The following SEMA3D variants were observed in gnomAD, a reference collection of about 807,000 sequenced individuals.
SEMA3D encodes semaphorin-3D.
A neutral mutation model predicts 100.1 loss-of-function variants in SEMA3D; 84 were observed. The observed-to-expected ratio is 0.84, with a 90% CI of 0.70 to 1.01. The LOEUF (loss-of-function observed/expected upper bound fraction) is 1.01, where lower values mean the gene tolerates loss of function less well. Ranked by LOEUF, SEMA3D falls within the 50% of genes least tolerant of loss-of-function variation. The pLI is 0.00. For synonymous variants in SEMA3D, 312 were observed against 320.7 expected (o/e 0.97, Z 0.29); for missense variants, 875 against 934.1 (o/e 0.94, Z 0.82).
At chr7:85,066,946 A>AGAGAGC (rs1583889292) in intron 7 of SEMA3D, among the ~76,000 whole-genome samples, 1 of 149,588 alleles carries the variant, frequency 6.7e-6, no homozygotes. Context: ...AGAGAGAGAG[A>AGAGAGC]ACTCCAGCTA....
At chr7:85,185,804 A>G (rs1252109970) in intron 1 of SEMA3D, among the ~76,000 whole-genome samples, 1 of 152,202 alleles carries the variant, frequency 6.6e-6, no homozygotes, top group East Asian at 1.9e-4. Flanking sequence ...AGGGTAGCCC[A>G]TTAACGCATT....
At chr7:85,015,490 A>G (rs1004214317) in intron 15 of SEMA3D, among the ~76,000 whole-genome samples, 1 of 151,852 alleles carries the variant, frequency 6.6e-6, no homozygotes, top group African/African-American at 2.4e-5. Flanking sequence ...CTAGACAGGA[A>G]TTAAGATGTC....
chr7:85,132,293 A>G (rs540906497), intron 2 of SEMA3D, among the ~76,000 whole-genome samples: 1 of 152,066 alleles, frequency 6.6e-6, no homozygotes, highest in Admixed American at 6.6e-5. Flanking sequence ...CTCGTAAAAC[A>G]GTGAAGCAAT....
intron 2 of SEMA3D, chr7:85,142,828 A>C (rs1386930718): frequency 1.3e-5 from 13 of 985,070 alleles, no homozygotes; most frequent in Non-Finnish European, 1.6e-5. Context: ...ATGGTTTCTC[A>C]AAATAAATAC....
Position 85,068,309 on chromosome 7 carries a change from G to C in SEMA3D, c.496-25C>G, listed in dbSNP as rs779399032. 1.4e-5 allele frequency: 17 copies of C among 1,246,882 alleles called. No individual in the cohort carries two copies. The Admixed American group carries it at 2.9e-4, about 22-fold the overall frequency. The allele number at this position is 1,246,882 out of a possible 1,614,324, so 77.2% of individuals were successfully genotyped here. A position where few individuals can be genotyped will look rare whatever the true frequency, so the allele number is the denominator to read the frequency against. Reference sequence around the variant, plus strand: ...CCTGTTATGAGAAATATTAACACTAGTGAACTTTTTAAAAATATTACAAAC... The same window carrying C: ...CCTGTTATGAGAAATATTAACACTACTGAACTTTTTAAAAATATTACAAAC... On this transcript the variant is annotated intron_variant, in intron 6 of 18. Coordinates refer to ENST00000284136, the MANE Select transcript of SEMA3D (RefSeq NM_001384900.1).
At chr7:85,103,987 AAG>A (rs1442894837) in intron 3 of SEMA3D, among the ~76,000 whole-genome samples, 2 of 151,996 alleles carry the variant, frequency 1.3e-5, no homozygotes, top group South Asian at 2.1e-4. Flanking sequence ...GCATTTTTTG[AAG>A]AGTTTCTTCA....
chr7:85,084,495 T>G (rs1788161394), intron 4 of SEMA3D, among the ~76,000 whole-genome samples: 1 of 152,190 alleles, frequency 6.6e-6, no homozygotes, highest in Non-Finnish European at 1.5e-5. Context: ...TACTTTTCCA[T>G]AACCTGTCAA....
chr7:85,087,501 AACTT>A (rs1321209112), intron 4 of SEMA3D, among the ~76,000 whole-genome samples: 2 of 152,234 alleles, frequency 1.3e-5, no homozygotes, highest in African/African-American at 4.8e-5. Context: ...AATTCCTCTC[AACTT>A]ACTTATTCAG....
intron 1 of SEMA3D, chr7:85,167,411 A>T (rs570759157): frequency 1.0e-6 from 1 of 982,532 alleles, no homozygotes; most frequent in South Asian, 4.7e-5. Context: ...TTGTGTTATA[A>T]ATTTTCACCT....
intron 9 of SEMA3D, among the ~76,000 whole-genome samples, chr7:85,052,981 C>A (rs1287374249): frequency 6.6e-6 from 1 of 151,826 alleles, no homozygotes; most frequent in Non-Finnish European, 1.5e-5. Context: ...GTATCTTTGA[C>A]CGGTCAATAA....
intron 1 of SEMA3D, among the ~76,000 whole-genome samples, chr7:85,176,793 T>TATAGAGAG (rs368105010): frequency 6.7e-6 from 1 of 149,974 alleles, no homozygotes; most frequent in East Asian, 2.0e-4. Flanking sequence ...TATATATATA[T>TATAGAGAG]AGAGAGAGAG....
the SEMA3D span, among the ~76,000 whole-genome samples, chr7:85,228,661 T>A: frequency 6.6e-6 from 1 of 152,076 alleles, no homozygotes; most frequent in Non-Finnish European, 1.5e-5. Flanking sequence ...GAGTTGGTAA[T>A]CCATAATTTT....
intron 1 of SEMA3D, among the ~76,000 whole-genome samples, chr7:85,178,972 T>A (rs1317226026): frequency 6.6e-6 from 1 of 152,154 alleles, no homozygotes; most frequent in East Asian, 1.9e-4. Flanking sequence ...GCAACCTAAG[T>A]CTTGGCAGCT....
At chr7:85,086,614 T>C (rs1342050126) in intron 4 of SEMA3D, among the ~76,000 whole-genome samples, 7 of 148,144 alleles carry the variant, frequency 4.7e-5, no homozygotes, top group Non-Finnish European at 5.9e-5. Flanking sequence ...TCTAGTCTCT[T>C]TCTCTCTCTC....
At chr7:85,203,830 A>ACAAAAT in the SEMA3D span, among the ~76,000 whole-genome samples, 1 of 152,016 alleles carries the variant, frequency 6.6e-6, no homozygotes, top group African/African-American at 2.4e-5. Flanking sequence ...AAAAACAAAA[A>ACAAAAT]CTTTGAACCT....
chr7:85,198,866 T>C, the SEMA3D span, among the ~76,000 whole-genome samples: 1 of 151,372 alleles, frequency 6.6e-6, no homozygotes, highest in Non-Finnish European at 1.5e-5. Flanking sequence ...TATTTGTTCT[T>C]TAACTTTTTT....
At chr7:85,038,162 C>T (rs905180617) in intron 11 of SEMA3D, among the ~76,000 whole-genome samples, 14 of 151,896 alleles carry the variant, frequency 9.2e-5, no homozygotes, top group African/African-American at 3.1e-4. Context: ...CTAACCTGCA[C>T]GTTGTGCACA....
In SEMA3D at chr7:84,999,671, C is replaced by T; in HGVS notation, c.2103G>A (p.Lys701=). 2 of 1,614,042 alleles carry T rather than the reference C, an allele frequency of 1.2e-6. No homozygotes were observed. The highest frequency in any genetic ancestry group is 1.7e-6 in the Non-Finnish European group (2 of 1,179,972). The change falls in exon 19 of 19, where the codon AAG becomes AAA. Residue 701 remains lysine (K), a synonymous_variant. Coordinates refer to ENST00000284136, the MANE Select transcript of SEMA3D (RefSeq NM_001384900.1). ...NTQRAEHEEG[K]VKDLLAESRL... ...GTGACTCAGCCAATAGATCCTTGACCTTCCCCTCCTCATGCTCTGCCCTCT... is the reference window on the plus strand; with the variant it reads ...GTGACTCAGCCAATAGATCCTTGACTTTCCCCTCCTCATGCTCTGCCCTCT...
At chr7:85,099,194 T>A (rs1788668614) in intron 3 of SEMA3D, among the ~76,000 whole-genome samples, 2 of 151,970 alleles carry the variant, frequency 1.3e-5, no homozygotes, top group African/African-American at 4.8e-5. Flanking sequence ...CACCCAAATC[T>A]TATCTTGAAC....
Sources: allele counts gnomAD v4.1 joint callset (sites outside exome capture counted in the v4.1 genomes callset), GRCh38; gene constraint gnomAD v4.1.1; transcripts MANE v1.5; gene names NCBI Gene and HGNC (gene_info 2026-07-23, HGNC 2026-07-21).